Variants in TTC17 observed in about 807,000 individuals in gnomAD.
TTC17 encodes tetratricopeptide repeat protein 17.
In TTC17, 58 loss-of-function variants were observed where a neutral mutation model predicts 143.8. The observed-to-expected ratio is 0.40, with a 90% confidence interval of 0.33 to 0.50. The LOEUF is 0.50. Ranked by LOEUF, TTC17 falls within the 20% of genes least tolerant of loss-of-function variation. TTC17 has a pLI of 0.49. For missense variants in TTC17, 1,273 were observed against 1,392.5 expected (o/e 0.91, Z 1.37); for synonymous variants, 501 against 497.8 (o/e 1.01, Z -0.09).
chr11:43,477,361 T>C (rs1041735467), intron 21 of TTC17, among the ~76,000 whole-genome samples: 6 of 152,234 alleles, frequency 3.9e-5, no homozygotes, highest in African/African-American at 1.4e-4. Flanking sequence ...CAGGTATCTT[T>C]TCAGCAGTGC....
chr11:43,399,967 G>GA lies in TTC17; in HGVS notation c.1143dup (p.His382ThrfsTer2). ...CTACCTGAGACAGCAGGAAATCCTA[G>GA]AAAAACATAAACTGATTCAGGAGGA... On this transcript the variant is annotated frameshift_variant, in exon 9 of 24. Coordinates refer to ENST00000039989, the MANE Select transcript of TTC17 (RefSeq NM_018259.6). LOFTEE classifies it high-confidence loss of function. 6.2e-7 allele frequency: 1 copy of GA among 1,613,882 alleles called. No individual in the cohort carries two copies. Among genetic ancestry groups the GA allele is most frequent in the Non-Finnish European group, 8.5e-7 (1 of 1,179,906 alleles).
chr11:43,397,381 A>G lies in TTC17; in HGVS notation c.808A>G (p.Asn270Asp), dbSNP rs16937479. Residue 270 changes from asparagine (N) to aspartate (D), a missense_variant, in exon 7 of 24, where the codon AAC becomes GAC. Transcript: ENST00000039989. ...AGACATTGCCCTGGTCAACCTGGCA[A>G]ACGTTCTACACAGAGCACACTTCTC... ...NKDIALVNLANVLHRAHFSAD... is the reference protein window; with the variant it reads ...NKDIALVNLADVLHRAHFSAD... 1 of 1,611,746 alleles carries G rather than the reference A, an allele frequency of 6.2e-7. No individual in the cohort carries two copies. Among genetic ancestry groups the G allele is most frequent in the African/African-American group, 1.3e-5 (1 of 74,894 alleles).
chr11:43,396,707 A>G lies in TTC17; in HGVS notation c.664-2A>G, dbSNP rs1857605885. On this transcript the variant is annotated splice_acceptor_variant, in intron 5 of 23. Coordinates refer to ENST00000039989, the MANE Select transcript of TTC17 (RefSeq NM_018259.6). LOFTEE classifies it high-confidence loss of function. ...TTGTAATTTTACTTTTTTAATCTCT[A>G]GAACACTTCCTCGTGGGTACTGTAT... The G allele has an allele frequency of 1.9e-6, 3 of 1,551,872 alleles. No homozygotes were observed. The highest frequency in any genetic ancestry group is 2.6e-6 in the Non-Finnish European group (3 of 1,137,268).
intron 2 of TTC17, 100 bp downstream of exon 2, chr11:43,379,422 G>GAAGACTCAGACTTAA: frequency 1.9e-6 from 2 of 1,070,038 alleles, no homozygotes; most frequent in Non-Finnish European, 2.7e-6. Flanking sequence ...TTTTAAGTCT[G>GAAGACTCAGACTTAA]AGTCTTCTGA....
intron 21 of TTC17, among the ~76,000 whole-genome samples, chr11:43,489,624 G>C (rs1256964574): frequency 6.6e-6 from 1 of 151,984 alleles, no homozygotes; most frequent in Admixed American, 6.6e-5. Flanking sequence ...TCTAATCCCA[G>C]CTACTCGGGA....
chr11:43,389,548 A>G (rs763853937), intron 2 of TTC17, 104 bp from the exon 3 acceptor site: 301 of 1,183,574 alleles, frequency 2.5e-4, no homozygotes, highest in Non-Finnish European at 3.4e-4. Context: ...GTCTTCCTAC[A>G]TAGAGGATTC....
chr11:43,396,057 CTT>C (rs1857578478), intron 5 of TTC17: 1 of 151,994 alleles, frequency 6.6e-6, no homozygotes, highest in South Asian at 2.1e-4. Flanking sequence ...GCTATAGTAA[CTT>C]AGCATTTCTA....
At chr11:43,397,286 A>G (rs1398857287) in intron 6 of TTC17, 61 bp from the exon 7 acceptor site, 6 of 1,544,038 alleles carry the variant, frequency 3.9e-6, no homozygotes, top group East Asian at 2.3e-5. Context: ...GTAACTTTGA[A>G]TGTCATTTTT....
intron 1 of TTC17, among the ~76,000 whole-genome samples, chr11:43,361,789 C>T (rs1856115289): frequency 6.6e-6 from 1 of 152,146 alleles, no homozygotes; most frequent in Non-Finnish European, 1.5e-5. Context: ...TTTAAAGTGA[C>T]CTACTACCAG....
At chr11:43,458,578 C>G (rs1482582958) in intron 21 of TTC17, among the ~76,000 whole-genome samples, 1 of 152,146 alleles carries the variant, frequency 6.6e-6, no homozygotes, top group Non-Finnish European at 1.5e-5. Context: ...GGGCATCTCT[C>G]ATTTGCCTGA....
intron 21 of TTC17, among the ~76,000 whole-genome samples, chr11:43,460,084 A>G (rs1947836929): frequency 6.6e-6 from 1 of 151,856 alleles, no homozygotes; most frequent in Admixed American, 6.6e-5. Flanking sequence ...TCAGACCATA[A>G]TCTTACAGTT....
intron 2 of TTC17, chr11:43,385,599 T>C (rs1028891844): frequency 1.3e-5 from 2 of 151,738 alleles, no homozygotes; most frequent in African/African-American, 2.4e-5. Flanking sequence ...TTAAAATAAA[T>C]GGCACAGTAA....
chr11:43,445,707 G>A (rs541272285), intron 18 of TTC17, among the ~76,000 whole-genome samples: 1 of 152,288 alleles, frequency 6.6e-6, no homozygotes, highest in East Asian at 1.9e-4. Context: ...AAAGCATAGA[G>A]GACAGAAATA....
chr11:43,406,856 G>C (rs751143519), intron 13 of TTC17, among the ~76,000 whole-genome samples: 25 of 152,090 alleles, frequency 1.6e-4, no homozygotes, highest in Middle Eastern at 3.4e-3. Context: ...TTTCTTCTTG[G>C]GTTCTGAACA....
chr11:43,436,038 T>G lies in TTC17; in HGVS notation c.2252-7287T>G, dbSNP rs1947284581. ...GGGTGCTGCAGCTCACTGATTTTTG[T>G]GTGTTCTGCTGAAGAAAAACCGGCA... On this transcript the variant is annotated intron_variant, in intron 16 of 23. Coordinates refer to ENST00000039989, the MANE Select transcript of TTC17 (RefSeq NM_018259.6). 9.1e-6 allele frequency: 7 copies of G among 772,928 alleles called. No homozygotes were observed. In the South Asian group the frequency reaches 4.7e-4, roughly 52 times the overall value. The allele number at this position is 772,928 out of a possible 1,614,324, so 47.9% of individuals were successfully genotyped here. A position where few individuals can be genotyped will look rare whatever the true frequency, so the allele number is the denominator to read the frequency against.
chr11:43,393,413 TA>T (rs1346440461), intron 5 of TTC17, among the ~76,000 whole-genome samples: 1 of 151,820 alleles, frequency 6.6e-6, no homozygotes, highest in Non-Finnish European at 1.5e-5. Flanking sequence ...AGCCAGGGAA[TA>T]GGGGGAAGGG....
intron 21 of TTC17, among the ~76,000 whole-genome samples, chr11:43,486,764 G>A (rs577149177): frequency 1.7e-4 from 26 of 152,118 alleles, no homozygotes; most frequent in African/African-American, 4.6e-4. Context: ...TACTTGGCAC[G>A]GTGACTCATT....
Position 43,359,027 on chromosome 11 carries a change from C to G in TTC17, c.73C>G (p.Leu25Val). 1 of 1,591,726 alleles carries G rather than the reference C, an allele frequency of 6.3e-7. No individual in the cohort carries two copies. The highest frequency in any genetic ancestry group is 8.5e-7 in the Non-Finnish European group (1 of 1,170,400). The change falls in exon 1 of 24, where the codon CTT becomes GTT. Residue 25 changes from leucine (L) to valine (V), a missense_variant. By Grantham distance (32) the Leu-to-Val change is conservative (BLOSUM62 1). Transcript: ENST00000039989. ...PCSGPGWLLS[L>V]SALLSVAARG... ...CTCCGGCCCAGGCTGGCTCCTCAGC[C>G]TTTCCGCCTTGCTGAGTGTGGCGGC...
rs766686067 is a variant in TTC17 at position 43,401,432 on chromosome 11, C to T, written c.1220-14C>T. ...CCTTGCTCATCATTTGTGTAATTTCCTTTCTTATTCCAGGAAATCATCAGA... is the reference window on the plus strand; with the variant it reads ...CCTTGCTCATCATTTGTGTAATTTCTTTTCTTATTCCAGGAAATCATCAGA... On this transcript the variant is annotated splice_polypyrimidine_tract_variant and intron_variant, in intron 9 of 23. Coordinates refer to ENST00000039989, the MANE Select transcript of TTC17 (RefSeq NM_018259.6). 1 of 1,580,364 alleles carries T rather than the reference C, an allele frequency of 6.3e-7. No homozygotes were observed. The highest frequency in any genetic ancestry group is 1.2e-5 in the South Asian group (1 of 86,186).
Sources: gnomAD v4.1 joint callset for allele counts (sites outside exome capture counted in the v4.1 genomes callset) on GRCh38, gnomAD v4.1.1 for gene constraint, MANE v1.5 for transcripts, NCBI Gene and HGNC (gene_info 2026-07-23, HGNC 2026-07-21) for gene names.